Variants in GUF1 observed in about 807,000 individuals in gnomAD.
The protein encoded by GUF1 is GTP binding elongation factor GUF1.
Under a neutral mutation model 82.4 loss-of-function variants are expected in GUF1, and 78 were observed. That is an observed-to-expected ratio of 0.95 (90% CI 0.79 to 1.14). GUF1 has a LOEUF of 1.14. Among genes scored for constraint, GUF1 ranks in the 50% most tolerant of loss-of-function variants. The pLI, the probability that GUF1 is intolerant of heterozygous loss-of-function variation, is 0.00. For synonymous variants in GUF1, 279 were observed against 282.3 expected, an observed-to-expected ratio of 0.99 and a Z score of 0.12; for missense variants, 814 against 798.2, an observed-to-expected ratio of 1.02 and a Z score of -0.24.
At chr4:44,691,030 T>C (rs115599830) in intron 12 of GUF1, among the ~76,000 whole-genome samples, 170 bp downstream of exon 12, 2,152 of 151,788 alleles carry the variant, frequency 0.014, 45 homozygotes, top group African/African-American at 0.049. Flanking sequence ...CTTTTTAAAT[T>C]ATTTTGATTT....
At position 44,678,713 on chromosome 4, in the gene GUF1, C is replaced by T. The variant is rs766274707; in HGVS notation, c.91C>T (p.Arg31Trp). The T allele has an allele frequency of 2.1e-5, 32 of 1,510,430 alleles. No individual in the cohort carries two copies. Among genetic ancestry groups the T allele is most frequent in the Non-Finnish European group, 2.8e-5 (32 of 1,143,264 alleles). The allele number at this position is 1,510,430 out of a possible 1,614,324, so 93.6% of individuals were successfully genotyped here. ...GAALLVAPGPRSAPTLGAAPE... is the reference protein window; with the variant it reads ...GAALLVAPGPWSAPTLGAAPE... ...CGCGCTTCTGGTGGCCCCGGGGCCC[C>T]GGTCCGCGCCGACCCTTGGGGCTGC... The change falls in exon 1 of 17, where the codon CGG becomes TGG. Residue 31 changes from arginine to tryptophan, a missense_variant. By Grantham distance (101) the Arg-to-Trp change is moderately radical. Coordinates refer to ENST00000281543, the MANE Select transcript of GUF1 (RefSeq NM_021927.3).
intron 11 of GUF1, 116 bp downstream of exon 11, chr4:44,690,091 G>A (rs548718839): frequency 6.6e-6 from 4 of 606,874 alleles, no homozygotes; most frequent in Non-Finnish European, 1.0e-5. Context: ...AGCTGATTAA[G>A]TATTAAACAA....
At chr4:44,695,859 T>G (rs1374235083) in intron 15 of GUF1, 125 bp downstream of exon 15, 1 of 910,858 alleles carries the variant, frequency 1.1e-6, no homozygotes, top group Non-Finnish European at 1.6e-6. Context: ...AACAGTATGA[T>G]GGTGCTCTCC....
At chr4:44,684,521 AG>A (rs1252388893) in intron 6 of GUF1, among the ~76,000 whole-genome samples, 1 of 152,084 alleles carries the variant, frequency 6.6e-6, no homozygotes, top group East Asian at 1.9e-4. Context: ...TTAAAGCAAG[AG>A]AAACAAATTA....
chr4:44,698,617 T>C lies in GUF1; in HGVS notation c.1946T>C (p.Ile649Thr). The C allele has an allele frequency of 1.2e-6, 2 of 1,610,548 alleles. No homozygotes were observed. Among genetic ancestry groups the C allele is most frequent in the Non-Finnish European group, 8.5e-7 (1 of 1,178,870 alleles). The change falls in exon 17 of 17, where the codon ATT (isoleucine) becomes ACT (threonine). Residue 649 changes from isoleucine (I) to threonine (T), a missense_variant. By Grantham distance (89) the Ile-to-Thr change is moderately conservative (BLOSUM62 -1). Coordinates refer to ENST00000281543, the MANE Select transcript of GUF1 (RefSeq NM_021927.3). Reference protein sequence around the residue: ...QAEGKKKLRKIGNVEVPKDAF... With the variant: ...QAEGKKKLRKTGNVEVPKDAF... Reference sequence around the variant, plus strand: ...GAAGGGAAAAAAAAGCTGAGGAAAATTGGCAACGTTGAAGTTCCAAAAGAT... The same window carrying C: ...GAAGGGAAAAAAAAGCTGAGGAAAACTGGCAACGTTGAAGTTCCAAAAGAT...
chr4:44,688,752 G>A (rs528670291), intron 9 of GUF1, among the ~76,000 whole-genome samples: 3 of 151,900 alleles, frequency 2.0e-5, no homozygotes, highest in Non-Finnish European at 4.4e-5. Context: ...CAGTCATGTG[G>A]ATTTTAGAGG....
intron 15 of GUF1, 59 bp downstream of exon 15, chr4:44,695,793 T>C: frequency 6.6e-7 from 1 of 1,518,876 alleles, no homozygotes; most frequent in Non-Finnish European, 9.0e-7. Context: ...ACCTAAAAAG[T>C]GAAAGAATAT....
chr4:44,682,674 A>ATG (rs1491154071), intron 5 of GUF1: 1 of 242,766 alleles, frequency 4.1e-6, no homozygotes, highest in South Asian at 1.6e-4. Context: ...CAGATGAAAC[A>ATG]TGTTTGTCAG....
intron 5 of GUF1, chr4:44,682,696 C>T (rs1372713635): frequency 9.5e-6 from 2 of 210,710 alleles, no homozygotes; most frequent in South Asian, 1.8e-4. Context: ...TTAAACCATA[C>T]ATAGGAAAAG....
At chr4:44,690,262 G>T (rs751478785) in intron 11 of GUF1, among the ~76,000 whole-genome samples, 10 of 151,724 alleles carry the variant, frequency 6.6e-5, no homozygotes, top group Non-Finnish European at 1.2e-4. Context: ...AATTAGTAGT[G>T]AAAATAATGT....
intron 4 of GUF1, 43 bp from the exon 5 acceptor site, chr4:44,682,291 A>G (rs774618047): frequency 1.1e-5 from 12 of 1,086,576 alleles, no homozygotes; most frequent in South Asian, 5.5e-5. Context: ...TGTGATATAT[A>G]ATAGAATGGT....
In GUF1 at chr4:44,690,861, G is replaced by T. The variant is rs769443394; in HGVS notation, c.1479+1G>T. On this transcript the variant is annotated splice_donor_variant, in intron 12 of 16. Transcript: ENST00000281543. LOFTEE classifies it high-confidence loss of function. ...TGGAAAAATAATGATGCTTTGCGAG[G>T]TATAACTATAATACAATTTAATACA... The T allele has an allele frequency of 1.9e-6, 3 of 1,590,964 alleles. No individual in the cohort carries two copies. The Admixed American group carries it at 5.3e-5, about 28-fold the overall frequency.
At chr4:44,679,400 G>A (rs984336649) in intron 1 of GUF1, among the ~76,000 whole-genome samples, 1 of 152,208 alleles carries the variant, frequency 6.6e-6, no homozygotes, top group Non-Finnish European at 1.5e-5. Flanking sequence ...CAACAACTCT[G>A]ATAATTGTGA....
rs767447526 is a variant in GUF1, at chr4:44,694,532, AATC to A, written c.1715+22_1715+24del. ...TACACAAGTAAGTTCAATAGAAACT[AATC>A]ATGGAATGTGAAAATACTTTTGATA... is the stretch of plus-strand genomic sequence containing the variant. On this transcript the variant is annotated intron_variant, in intron 14 of 16. Transcript: ENST00000281543. 1.6e-6 allele frequency: 2 copies of A among 1,269,314 alleles called. No individual in the cohort carries two copies. Among genetic ancestry groups the A allele is most frequent in the South Asian group, 2.6e-5 (2 of 77,698 alleles). The allele number at this position is 1,269,314 out of a possible 1,614,324, so 78.6% of individuals were successfully genotyped here.
intron 9 of GUF1, among the ~76,000 whole-genome samples, chr4:44,688,591 G>T (rs544528336): frequency 2.6e-5 from 4 of 151,958 alleles, no homozygotes; most frequent in African/African-American, 9.6e-5. Flanking sequence ...TATAATTTCA[G>T]AATCTTTTAC....
rs1715463208 is a variant in GUF1 at position 44,691,769 on chromosome 4, C to G, written c.1583C>G (p.Ser528Cys). ...GAAATTGTGGTAGATTTTTATGACTCTTTGAAATCCCTATCTTCTGGATAT... is the reference window on the plus strand; with the variant it reads ...GAAATTGTGGTAGATTTTTATGACTGTTTGAAATCCCTATCTTCTGGATAT... ...LNEIVVDFYD[S>C]LKSLSSGYAS... Residue 528 changes from serine (S) to cysteine (C), a missense_variant, in exon 13 of 17, where the codon TCT (serine) becomes TGT (cysteine). Ser to Cys is a moderately radical substitution (Grantham distance 112). Coordinates refer to ENST00000281543, the MANE Select transcript of GUF1 (RefSeq NM_021927.3). 1.9e-6 allele frequency: 3 copies of G among 1,595,066 alleles called. No homozygotes were observed. Among genetic ancestry groups the G allele is most frequent in the Non-Finnish European group, 1.7e-6 (2 of 1,170,690 alleles).
At chr4:44,685,915 G>A in intron 6 of GUF1, 44 bp from the exon 7 acceptor site, 1 of 1,340,932 alleles carries the variant, frequency 7.5e-7, no homozygotes, top group South Asian at 1.2e-5. Context: ...GAAAAGTATA[G>A]TCTTAACTTT....
In GUF1 at chr4:44,686,551, T is replaced by C. The variant is rs763592908; in HGVS notation, c.776T>C (p.Phe259Ser). Residue 259 changes from phenylalanine to serine, a missense_variant, in exon 8 of 17, where the codon TTT (phenylalanine) becomes TCT (serine). Physicochemically the swap from Phe to Ser is radical, Grantham distance 155. Transcript: ENST00000281543. ...HRKNPLRALV[F>S]DSTFDQYRGV... ...AAAAATCCTCTGAGAGCTTTGGTATTTGACTCCACCTTTGACCAGTATAGA... is the reference window on the plus strand; with the variant it reads ...AAAAATCCTCTGAGAGCTTTGGTATCTGACTCCACCTTTGACCAGTATAGA... 6.2e-7 allele frequency: 1 copy of C among 1,612,304 alleles called. No individual in the cohort carries two copies. The highest frequency in any genetic ancestry group is 8.5e-7 in the Non-Finnish European group (1 of 1,178,766).
In GUF1 at chr4:44,699,654, GATTA is replaced by G. The variant is rs1445299673; in HGVS notation, c.*977_*980del. ...CCTTAAGTGTCAAATTTGTTAGCAG[GATTA>G]ATTGATATGAATTCACTTATTAAAC... is the stretch of plus-strand genomic sequence containing the variant. On this transcript the variant is annotated 3_prime_UTR_variant, in exon 17 of 17. Coordinates refer to ENST00000281543, the MANE Select transcript of GUF1 (RefSeq NM_021927.3). The G allele has an allele frequency of 1.3e-5, 2 of 152,160 alleles. No individual in the cohort carries two copies. Among genetic ancestry groups the G allele is most frequent in the African/African-American group, 4.8e-5 (2 of 41,432 alleles). The allele number at this position is 152,160 out of a possible 1,614,324, so 9.4% of individuals were successfully genotyped here. A position where few individuals can be genotyped will look rare whatever the true frequency, so the allele number is the denominator to read the frequency against.
Sources: gnomAD v4.1 joint callset for allele counts (sites outside exome capture counted in the v4.1 genomes callset) on GRCh38, gnomAD v4.1.1 for gene constraint, MANE v1.5 for transcripts, NCBI Gene and HGNC (gene_info 2026-07-23, HGNC 2026-07-21) for gene names.